The following PDHX variants were observed in gnomAD, a reference collection of about 807,000 sequenced individuals.
PDHX encodes the protein pyruvate dehydrogenase complex component X, also known as pyruvate dehydrogenase protein X component, mitochondrial.
In PDHX, 33 loss-of-function variants were observed where a neutral mutation model predicts 55.3. The ratio of observed to expected loss-of-function variants is 0.60; its 90% CI spans 0.45 to 0.80. The LOEUF is 0.80. Among genes scored for constraint, PDHX ranks in the 30% least tolerant of loss-of-function variants. The probability of loss-of-function intolerance (pLI) is 0.00; values close to 1 mark genes in which losing one functional copy is unlikely to be tolerated. For synonymous variants in PDHX, 226 were observed against 219.4 expected (o/e 1.03, Z -0.27); for missense variants, 622 against 619.9 (o/e 1.00, Z -0.04).
At chr11:34,959,808 A>G (rs1406687994) in intron 4 of PDHX, among the ~76,000 whole-genome samples, 1 of 152,176 alleles carries the variant, frequency 6.6e-6, no homozygotes, top group Non-Finnish European at 1.5e-5. Flanking sequence ...TCACAAAACA[A>G]ATAACTGTAT....
intron 9 of PDHX, among the ~76,000 whole-genome samples, chr11:34,989,566 G>A (rs1855718496): frequency 6.6e-6 from 1 of 152,178 alleles, no homozygotes; most frequent in Non-Finnish European, 1.5e-5. Flanking sequence ...TGAAAAGACT[G>A]TGGGATCATG....
chr11:34,929,291 A>G (rs1466146566), intron 1 of PDHX, among the ~76,000 whole-genome samples: 1 of 152,172 alleles, frequency 6.6e-6, no homozygotes, highest in Non-Finnish European at 1.5e-5. Flanking sequence ...GCTGGAGTGC[A>G]GTGATCTTGG....
chr11:34,955,332 T>C (rs1001910972), intron 3 of PDHX, among the ~76,000 whole-genome samples: 2 of 152,184 alleles, frequency 1.3e-5, no homozygotes, highest in African/African-American at 4.8e-5. Context: ...CCTACTACAG[T>C]GTAAGCAAAT....
chr11:34,918,626 A>G (rs376616348), intron 1 of PDHX, among the ~76,000 whole-genome samples: 3 of 152,144 alleles, frequency 2.0e-5, no homozygotes, highest in Non-Finnish European at 2.9e-5. Flanking sequence ...TGGCATCTCA[A>G]GGAAAGCCAA....
At chr11:34,916,167 G>T, upstream of PDHX, 1 of 1,564,980 alleles carries the variant, frequency 6.4e-7, no homozygotes, top group South Asian at 1.2e-5. Flanking sequence ...AGCTCCAGCC[G>T]CCGGGTCCCG....
intron 1 of PDHX, among the ~76,000 whole-genome samples, chr11:34,921,679 C>A (rs1041746495): frequency 1.5e-4 from 23 of 152,124 alleles, no homozygotes; most frequent in African/African-American, 5.6e-4. Flanking sequence ...AAGCAAAGCA[C>A]TTGTAGGCTA....
Position 34,989,440 on chromosome 11 carries a change from C to T in PDHX, c.1183-2875C>T, listed in dbSNP as rs1304022328. 2.0e-5 allele frequency among the ~76,000 whole-genome samples: 3 copies of T among 152,170 alleles called. No individual in the cohort carries two copies. In the East Asian group the frequency reaches 5.8e-4, roughly 29 times the overall value. On this transcript the variant is annotated intron_variant, in intron 9 of 10. Coordinates refer to ENST00000227868, the MANE Select transcript of PDHX (RefSeq NM_003477.3). ...ACGGGAGAGTACTCTGCCAAAGAAGCAGTGAAGATTCCCCGAGGAATGTGA... is the reference window on the plus strand; with the variant it reads ...ACGGGAGAGTACTCTGCCAAAGAAGTAGTGAAGATTCCCCGAGGAATGTGA...
chr11:34,954,722 CA>C (rs1446152252), intron 3 of PDHX, among the ~76,000 whole-genome samples: 1 of 152,094 alleles, frequency 6.6e-6, no homozygotes, highest in Admixed American at 6.5e-5. Flanking sequence ...ATAACAACAG[CA>C]ATAATAATGC....
chr11:34,954,519 A>T (rs990908720), intron 3 of PDHX, among the ~76,000 whole-genome samples: 1 of 152,202 alleles, frequency 6.6e-6, no homozygotes, highest in African/African-American at 2.4e-5. Context: ...ATGAAGAAAT[A>T]GTTTGTCACA....
chr11:34,966,959 C>A, intron 6 of PDHX, 145 bp downstream of exon 6: 1 of 720,910 alleles, frequency 1.4e-6, no homozygotes, highest in South Asian at 1.6e-5. Context: ...TCAAGTGATT[C>A]TCCTGCCTTA....
At chr11:34,957,311 C>T (rs779858776) in intron 3 of PDHX, 73 bp from the exon 4 acceptor site, 153 of 1,067,698 alleles carry the variant, frequency 1.4e-4, no homozygotes, top group Middle Eastern at 2.1e-4. Context: ...GAGAATTACC[C>T]AACAAAAGAA....
intron 1 of PDHX, among the ~76,000 whole-genome samples, chr11:34,929,113 G>A (rs765936176): frequency 2.1e-4 from 32 of 151,142 alleles, no homozygotes; most frequent in African/African-American, 5.6e-4. Flanking sequence ...ACGGTGTTTC[G>A]TAATTAGGAG....
intron 6 of PDHX, among the ~76,000 whole-genome samples, chr11:34,967,994 G>A (rs1406577143): frequency 6.6e-6 from 1 of 152,110 alleles, no homozygotes; most frequent in African/African-American, 2.4e-5. Flanking sequence ...TCAAGGCTGG[G>A]TGTGGTGGCT....
chr11:34,961,568 A>G lies in PDHX; in HGVS notation c.641+1050A>G, dbSNP rs368417915. Among the ~76,000 whole-genome samples, 62 of 152,358 alleles carry G rather than the reference A, an allele frequency of 4.1e-4. 1 individual carries two copies. The South Asian group carries it at 0.013, about 32-fold the overall frequency. On this transcript the variant is annotated intron_variant, in intron 5 of 10. Transcript: ENST00000227868. ...GAGAGAGAGCAATGGTTGTTAAATTATAAGTGGCAGTGTTGGGCCAGGCAA... is the reference window on the plus strand; with the variant it reads ...GAGAGAGAGCAATGGTTGTTAAATTGTAAGTGGCAGTGTTGGGCCAGGCAA...
At chr11:34,976,982 T>G (rs1178106509) in intron 7 of PDHX, among the ~76,000 whole-genome samples, 3 of 152,188 alleles carry the variant, frequency 2.0e-5, no homozygotes, top group Non-Finnish European at 4.4e-5. Context: ...TAAAAGCTTG[T>G]AAGCACTGTA....
chr11:34,967,652 T>G (rs1291916947), intron 6 of PDHX, among the ~76,000 whole-genome samples: 1 of 152,132 alleles, frequency 6.6e-6, no homozygotes, highest in African/African-American at 2.4e-5. Flanking sequence ...GTTATTTTCT[T>G]CCTATCAGAA....
chr11:34,969,194 A>G (rs963916011), intron 6 of PDHX, among the ~76,000 whole-genome samples: 1 of 151,840 alleles, frequency 6.6e-6, no homozygotes, highest in East Asian at 1.9e-4. Context: ...GATGTTCAGT[A>G]TGTTAGGTGT....
chr11:34,923,566 G>A (rs934252458), intron 1 of PDHX, among the ~76,000 whole-genome samples: 1 of 151,620 alleles, frequency 6.6e-6, no homozygotes. Context: ...GCTTTTTTTT[G>A]GATAATAGCC....
chr11:34,938,429 A>G (rs1008016270), intron 2 of PDHX, among the ~76,000 whole-genome samples: 1 of 152,222 alleles, frequency 6.6e-6, no homozygotes, highest in Non-Finnish European at 1.5e-5. Flanking sequence ...GGCTGCTGCT[A>G]TCTTTTAAAA....
Sources: allele counts gnomAD v4.1 joint callset (sites outside exome capture counted in the v4.1 genomes callset), GRCh38; gene constraint gnomAD v4.1.1; transcripts MANE v1.5; gene names NCBI Gene and HGNC (gene_info 2026-07-23, HGNC 2026-07-21).